The following BMAL1 variants were observed in gnomAD, a reference collection of about 807,000 sequenced individuals.
The protein encoded by BMAL1 is basic helix-loop-helix ARNT like 1.
the BMAL1 span, among the ~76,000 whole-genome samples, chr11:13,287,592 C>G: frequency 4.6e-5 from 7 of 152,218 alleles, no homozygotes; most frequent in South Asian, 1.0e-3. Context: ...TTCCTCCACT[C>G]TCTAGCAGTA....
At chr11:13,336,493 C>A in the BMAL1 span, among the ~76,000 whole-genome samples, 1 of 152,128 alleles carries the variant, frequency 6.6e-6, no homozygotes, top group Non-Finnish European at 1.5e-5. Context: ...CTCGTGGGGG[C>A]AACTTGTAGG....
the BMAL1 span, among the ~76,000 whole-genome samples, chr11:13,337,676 C>T: frequency 7.2e-5 from 11 of 152,246 alleles, no homozygotes; most frequent in South Asian, 4.1e-4. Context: ...TAAATTTTGA[C>T]GGTTATGAGA....
At chr11:13,283,630 C>A in the BMAL1 span, among the ~76,000 whole-genome samples, 7 of 152,136 alleles carry the variant, frequency 4.6e-5, no homozygotes, top group Non-Finnish European at 7.4e-5. Flanking sequence ...CTCACTCAGC[C>A]GCACCATGCC....
the BMAL1 span, among the ~76,000 whole-genome samples, chr11:13,300,362 A>G: frequency 6.6e-6 from 1 of 152,226 alleles, no homozygotes; most frequent in Non-Finnish European, 1.5e-5. Context: ...TTAATAGCGA[A>G]TCAGAATTTC....
At chr11:13,280,855 C>G in the BMAL1 span, among the ~76,000 whole-genome samples, 224 of 152,316 alleles carry the variant, frequency 1.5e-3, 3 homozygotes, top group East Asian at 0.038. Context: ...TCATCTCCTC[C>G]CAATTCAGAG....
At chr11:13,349,803 G>A in the BMAL1 span, 2 of 152,160 alleles carry the variant, frequency 1.3e-5, no homozygotes, top group Non-Finnish European at 2.9e-5. Context: ...GGTAGAGTGT[G>A]ACGAGCTCGC....
the BMAL1 span, among the ~76,000 whole-genome samples, chr11:13,288,194 G>A: frequency 6.6e-6 from 1 of 152,128 alleles, no homozygotes; most frequent in African/African-American, 2.4e-5. Context: ...ATAATGGTGG[G>A]AATTTAAGTA....
At chr11:13,311,951 G>A in the BMAL1 span, among the ~76,000 whole-genome samples, 1 of 152,114 alleles carries the variant, frequency 6.6e-6, no homozygotes, top group South Asian at 2.1e-4. Context: ...TCCAAGTATG[G>A]GGACTTGAGG....
At chr11:13,383,352 G>A in the BMAL1 span, among the ~76,000 whole-genome samples, 5 of 152,138 alleles carry the variant, frequency 3.3e-5, no homozygotes, top group Admixed American at 2.6e-4. Context: ...CAAGGTTAAA[G>A]CTATTTTCTT....
the BMAL1 span, chr11:13,374,020 T>C: frequency 1.5e-6 from 2 of 1,337,778 alleles, no homozygotes; most frequent in Non-Finnish European, 2.1e-6. Flanking sequence ...TGTAGCAGGG[T>C]TTATCCATTG....
the BMAL1 span, among the ~76,000 whole-genome samples, chr11:13,325,454 C>CT: frequency 3.0e-4 from 45 of 148,530 alleles, no homozygotes; most frequent in East Asian, 2.0e-3. Context: ...CTTTTTTTTT[C>CT]TTTTTTTTTG....
the BMAL1 span, among the ~76,000 whole-genome samples, chr11:13,290,559 A>ATGTTATTATTATTAT: frequency 1.5e-4 from 22 of 149,056 alleles, no homozygotes; most frequent in African/African-American, 5.0e-4. Context: ...ACAAGTGTAT[A>ATGTTATTATTATTAT]TATTATTATT....
chr11:13,343,000 A>G, the BMAL1 span, among the ~76,000 whole-genome samples: 2 of 152,204 alleles, frequency 1.3e-5, no homozygotes, highest in Non-Finnish European at 2.9e-5. Context: ...AGGGCTTGTT[A>G]TGCTCCAGAC....
chr11:13,378,495 G>T, the BMAL1 span: 1 of 1,568,124 alleles, frequency 6.4e-7, no homozygotes, highest in East Asian at 2.3e-5. Context: ...TCTCAACCCA[G>T]GGAAATTTTT....
chr11:13,338,710 T>C, the BMAL1 span, among the ~76,000 whole-genome samples: 11,428 of 152,278 alleles, frequency 0.075, 524 homozygotes, highest in East Asian at 0.19. Flanking sequence ...GCTCTAGCCC[T>C]TCTCAGCTGT....
chr11:13,327,108 C>G, the BMAL1 span, among the ~76,000 whole-genome samples: 104 of 151,924 alleles, frequency 6.8e-4, 1 homozygote, highest in Non-Finnish European at 2.9e-5. Context: ...GTGTGAGCCA[C>G]TGCGCCCAGC....
the BMAL1 span, chr11:13,353,194 C>T: frequency 6.6e-6 from 1 of 152,268 alleles, no homozygotes; most frequent in Admixed American, 6.5e-5. Flanking sequence ...ACAGTGTTTA[C>T]AAAAGTCATA....
the BMAL1 span, among the ~76,000 whole-genome samples, chr11:13,319,666 T>C: frequency 1.3e-5 from 2 of 152,208 alleles, no homozygotes; most frequent in Admixed American, 1.3e-4. Context: ...GACAAAAAGT[T>C]CCCTAAATAC....
chr11:13,369,868 A>G, the BMAL1 span: 1 of 1,463,288 alleles, frequency 6.8e-7, no homozygotes, highest in South Asian at 1.4e-5. Flanking sequence ...CTGGCTGGCC[A>G]GAGTGGCAGG....
Sources: allele counts gnomAD v4.1 joint callset (sites outside exome capture counted in the v4.1 genomes callset), GRCh38; gene constraint gnomAD v4.1.1; transcripts MANE v1.5; gene names NCBI Gene and HGNC (gene_info 2026-07-23, HGNC 2026-07-21).